The following KCNIP4 variants were observed in gnomAD, a reference collection of about 807,000 sequenced individuals.
The protein encoded by KCNIP4 is potassium voltage-gated channel interacting protein 4, also known as Kv channel-interacting protein 4.
KCNIP4 carries 12 observed loss-of-function variants against 34.0 expected under a neutral mutation model. That is an observed-to-expected ratio of 0.35 (90% CI 0.23 to 0.57). KCNIP4 has a LOEUF of 0.57. Among genes scored for constraint, KCNIP4 ranks in the 20% least tolerant of loss-of-function variants. The pLI is 0.83. For missense variants in KCNIP4, 238 were observed against 311.7 expected (o/e 0.76, Z 1.78); for synonymous variants, 124 against 102.2 (o/e 1.21, Z -1.29).
chr4:20,836,545 G>T (rs936835673), intron 3 of KCNIP4, among the ~76,000 whole-genome samples: 1 of 152,268 alleles, frequency 6.6e-6, no homozygotes, highest in East Asian at 1.9e-4. Flanking sequence ...TGTAGGGCAG[G>T]TGAGCAGGCT....
intron 1 of KCNIP4, among the ~76,000 whole-genome samples, chr4:21,087,416 A>G (rs532976644): frequency 6.6e-6 from 1 of 152,020 alleles, no homozygotes; most frequent in African/African-American, 2.4e-5. Context: ...TGACCTCATG[A>G]TCTGCCCACC....
chr4:20,867,697 C>A (rs942955068), intron 2 of KCNIP4, among the ~76,000 whole-genome samples: 2 of 151,968 alleles, frequency 1.3e-5, no homozygotes, highest in Non-Finnish European at 2.9e-5. Flanking sequence ...CTCAAGAGCT[C>A]CTGCACAGTA....
At chr4:20,989,900 C>G (rs1324879921) in intron 1 of KCNIP4, among the ~76,000 whole-genome samples, 1 of 152,082 alleles carries the variant, frequency 6.6e-6, no homozygotes, top group African/African-American at 2.4e-5. Context: ...ACCTAAGAGG[C>G]AGAGGCTGCC....
At chr4:21,846,689 A>G (rs1724040180) in intron 1 of KCNIP4, 1 of 152,112 alleles carries the variant, frequency 6.6e-6, no homozygotes, top group East Asian at 1.9e-4. Flanking sequence ...TTGTTACCCC[A>G]AATGGCAAGT....
At chr4:20,898,288 T>C (rs576446112) in intron 1 of KCNIP4, among the ~76,000 whole-genome samples, 1 of 152,278 alleles carries the variant, frequency 6.6e-6, no homozygotes, top group African/African-American at 2.4e-5. Flanking sequence ...ATTCCCATAA[T>C]AAATCAACCT....
chr4:20,806,604 C>G (rs1477748584), intron 3 of KCNIP4, among the ~76,000 whole-genome samples: 1 of 151,822 alleles, frequency 6.6e-6, no homozygotes, highest in African/African-American at 2.4e-5. Flanking sequence ...ATTTTCCCCA[C>G]TAGCTATTTG....
intron 1 of KCNIP4, among the ~76,000 whole-genome samples, chr4:20,977,506 T>A (rs1241791404): frequency 6.6e-6 from 1 of 152,240 alleles, no homozygotes; most frequent in Admixed American, 6.5e-5. Context: ...CCCCTTCCAC[T>A]CCCCTCACTG....
chr4:21,312,496 C>G (rs1713293455), intron 1 of KCNIP4, among the ~76,000 whole-genome samples: 1 of 152,194 alleles, frequency 6.6e-6, no homozygotes, highest in African/African-American at 2.4e-5. Flanking sequence ...ATGTAAGGAA[C>G]ACATTCTCCC....
intron 1 of KCNIP4, among the ~76,000 whole-genome samples, chr4:21,683,561 C>T (rs59790375): frequency 0.077 from 11,063 of 142,898 alleles, 669 homozygotes; most frequent in African/African-American, 0.17. Flanking sequence ...CTCCACCTCC[C>T]GGGTTCACGC....
intron 1 of KCNIP4, among the ~76,000 whole-genome samples, chr4:20,954,001 A>AT (rs1035851003): frequency 3.9e-5 from 6 of 151,996 alleles, no homozygotes; most frequent in Non-Finnish European, 5.9e-5. Flanking sequence ...TCTGTGCAGG[A>AT]TTTTTTTTAT....
chr4:21,561,808 A>G (rs1198513599), intron 1 of KCNIP4, among the ~76,000 whole-genome samples: 1 of 151,982 alleles, frequency 6.6e-6, no homozygotes, highest in Admixed American at 6.6e-5. Flanking sequence ...AATCGTTCAT[A>G]AATCACTTAT....
At chr4:20,956,765 C>T (rs1001651579) in intron 1 of KCNIP4, among the ~76,000 whole-genome samples, 7 of 152,074 alleles carry the variant, frequency 4.6e-5, no homozygotes, top group African/African-American at 1.7e-4. Context: ...AGTAAAACAA[C>T]CTCTTACAAA....
At chr4:21,292,636 T>C (rs1763600484) in intron 1 of KCNIP4, among the ~76,000 whole-genome samples, 1 of 152,164 alleles carries the variant, frequency 6.6e-6, no homozygotes, top group Non-Finnish European at 1.5e-5. Flanking sequence ...GACTATATGG[T>C]ATTTCCTTTC....
intron 1 of KCNIP4, among the ~76,000 whole-genome samples, chr4:21,187,335 A>C (rs1251897294): frequency 4.6e-5 from 7 of 152,300 alleles, no homozygotes; most frequent in Non-Finnish European, 8.8e-5. Context: ...GAGTGGAAAT[A>C]AAATGAAATT....
At chr4:21,308,643 T>C (rs1243987944) in intron 1 of KCNIP4, among the ~76,000 whole-genome samples, 1 of 152,172 alleles carries the variant, frequency 6.6e-6, no homozygotes, top group Non-Finnish European at 1.5e-5. Context: ...ATAGTGACTT[T>C]TTAAAAGATT....
At chr4:20,793,429 A>T (rs1713034320) in intron 3 of KCNIP4, among the ~76,000 whole-genome samples, 1 of 152,164 alleles carries the variant, frequency 6.6e-6, no homozygotes, top group Admixed American at 6.5e-5. Flanking sequence ...AAGATTAGAA[A>T]CACAAGGGAA....
At chr4:21,824,598 C>G (rs1292999380) in intron 1 of KCNIP4, among the ~76,000 whole-genome samples, 1 of 152,168 alleles carries the variant, frequency 6.6e-6, no homozygotes, top group African/African-American at 2.4e-5. Flanking sequence ...GTACTCCACA[C>G]TCTCTGGCCT....
chr4:21,293,182 TAC>T (rs1159647217), intron 1 of KCNIP4, among the ~76,000 whole-genome samples: 1 of 152,322 alleles, frequency 6.6e-6, no homozygotes, highest in East Asian at 1.9e-4. Flanking sequence ...AATTAATGGT[TAC>T]ATTCATAGGA....
chr4:20,750,540 G>A (rs1485970110), intron 4 of KCNIP4, among the ~76,000 whole-genome samples: 1 of 152,150 alleles, frequency 6.6e-6, no homozygotes, highest in East Asian at 1.9e-4. Flanking sequence ...TTCTTAGTTT[G>A]CTTCTATTGG....
Sources: gnomAD v4.1 joint callset for allele counts (sites outside exome capture counted in the v4.1 genomes callset) on GRCh38, gnomAD v4.1.1 for gene constraint, MANE v1.5 for transcripts, NCBI Gene and HGNC (gene_info 2026-07-23, HGNC 2026-07-21) for gene names.